The following PHEX variants were observed in gnomAD, a reference collection of about 807,000 sequenced individuals.
The protein encoded by PHEX is phosphate-regulating neutral endopeptidase PHEX.
A neutral mutation model predicts 68.0 loss-of-function variants in PHEX; 16 were observed. The observed-to-expected ratio is 0.24, with a 90% CI of 0.16 to 0.36. The LOEUF (loss-of-function observed/expected upper bound fraction) is 0.36. Ranked by LOEUF, PHEX falls within the 10% of genes least tolerant of loss-of-function variation. The pLI, the probability that PHEX is intolerant of heterozygous loss-of-function variation, is 1.00. For synonymous variants in PHEX, 208 were observed against 205.1 expected, an observed-to-expected ratio of 1.01 and a Z score of -0.12; for missense variants, 480 against 575.5, an observed-to-expected ratio of 0.83 and a Z score of 1.70.
intron 13 of PHEX, chrX:22,172,083 T>C (rs1400153507): frequency 8.9e-6 from 1 of 112,335 alleles, no homozygotes; most frequent in Non-Finnish European, 1.9e-5. Context: ...CAAGGTAAAC[T>C]GAGGTACTCA....
chrX:22,087,896 A>C (rs756399987), intron 5 of PHEX, among the ~76,000 whole-genome samples: 1 of 112,076 alleles, frequency 8.9e-6, no homozygotes. Flanking sequence ...AAGGTGCTGG[A>C]AATTTTTTTA....
At chrX:22,117,797 CTT>C (rs1301242316) in intron 11 of PHEX, among the ~76,000 whole-genome samples, 2 of 111,046 alleles carry the variant, frequency 1.8e-5, no homozygotes, top group African/African-American at 6.6e-5. Context: ...ATACTCATCT[CTT>C]TAACGTAAAA....
In PHEX at chrX:22,247,931, T is replaced by C; in HGVS notation, c.2228T>C (p.Met743Thr). ...CPPNSTMNRG[M>T]DSCRLW ...CCCAATTCCACGATGAACAGAGGCA[T>C]GGACTCCTGCCGACTCTGGTAGCTG... The change falls in exon 22 of 22, where the codon ATG becomes ACG. Residue 743 changes from methionine (M) to threonine (T), a missense_variant. By Grantham distance (81) the Met-to-Thr change is moderately conservative. Coordinates refer to ENST00000379374, the MANE Select transcript of PHEX (RefSeq NM_000444.6). The C allele has an allele frequency of 8.3e-7, 1 of 1,205,131 alleles. No homozygotes were observed. The highest frequency in any genetic ancestry group is 3.0e-5 in the East Asian group (1 of 33,825).
chrX:22,156,794 C>A (rs1288342169), intron 12 of PHEX, among the ~76,000 whole-genome samples: 2 of 111,153 alleles, frequency 1.8e-5, no homozygotes, highest in Non-Finnish European at 3.8e-5. Context: ...AGTTTAACCA[C>A]ATATAATCGA....
chrX:22,094,646 A>T (rs192476489), intron 7 of PHEX, among the ~76,000 whole-genome samples: 106 of 112,121 alleles, frequency 9.5e-4, no homozygotes, highest in African/African-American at 3.3e-3. Context: ...CCTTTCTGGT[A>T]TTACTTTGTA....
intron 2 of PHEX, among the ~76,000 whole-genome samples, chrX:22,041,257 CTCTCTCTCTATATA>C (rs1441511044): frequency 6.1e-5 from 4 of 65,580 alleles, no homozygotes; most frequent in African/African-American, 2.8e-4. Context: ...CTCTCTCTCT[CTCTCTCTCTATATA>C]TATATATATA....
chrX:22,137,010 A>G (rs1284588981), intron 12 of PHEX, among the ~76,000 whole-genome samples: 14 of 112,064 alleles, frequency 1.2e-4, no homozygotes, highest in Non-Finnish European at 1.3e-4. Context: ...ATAAGCAGCA[A>G]AGGACAGGGC....
In PHEX at chrX:22,210,756, A is replaced by G. The variant is rs759839242; in HGVS notation, c.1646-2148A>G. ...GCATTTTCCTTTATGTGAAACTGACAGAGAACTAGTAGCTGGATCCATCTC... is the reference window on the plus strand; with the variant it reads ...GCATTTTCCTTTATGTGAAACTGACGGAGAACTAGTAGCTGGATCCATCTC... On this transcript the variant is annotated intron_variant, in intron 15 of 21. Coordinates refer to ENST00000379374, the MANE Select transcript of PHEX (RefSeq NM_000444.6). Among the ~76,000 whole-genome samples the G allele has an allele frequency of 5.4e-5, 6 of 111,503 alleles. No individual in the cohort carries two copies. The East Asian group carries it at 8.4e-4, about 16-fold the overall frequency.
intron 12 of PHEX, among the ~76,000 whole-genome samples, chrX:22,151,708 G>A (rs1025204169): frequency 1.8e-5 from 2 of 111,859 alleles, no homozygotes; most frequent in African/African-American, 6.5e-5. Flanking sequence ...ATGTTCTGAC[G>A]TTTCCTGACA....
At chrX:22,097,655 A>T in intron 8 of PHEX, 1 of 471,556 alleles carries the variant, frequency 2.1e-6, no homozygotes, top group Non-Finnish European at 2.6e-6. Context: ...GACACAGGCA[A>T]GGAAGAAAAG....
chrX:22,099,295 T>G (rs1930312041), intron 9 of PHEX, 144 bp downstream of exon 9: 2 of 562,543 alleles, frequency 3.6e-6, no homozygotes, highest in Non-Finnish European at 5.9e-6. Context: ...TCCTTTGTGA[T>G]GAACTGGCCA....
intron 13 of PHEX, among the ~76,000 whole-genome samples, chrX:22,170,051 TAATAGA>T (rs1399640444): frequency 8.9e-6 from 1 of 112,333 alleles, no homozygotes; most frequent in African/African-American, 3.2e-5. Flanking sequence ...CATTGATCCT[TAATAGA>T]AATAGACTCA....
intron 2 of PHEX, among the ~76,000 whole-genome samples, chrX:22,044,715 AAAATAAATAAAT>A (rs1186994428): frequency 2.2e-5 from 2 of 91,455 alleles, no homozygotes; most frequent in East Asian, 3.4e-4. Context: ...TCTGTCTCAA[AAAATAAATAAAT>A]AAATAAATAA....
chrX:22,128,316 G>C, intron 11 of PHEX, among the ~76,000 whole-genome samples: 1 of 110,123 alleles, frequency 9.1e-6, no homozygotes, highest in Non-Finnish European at 1.9e-5. Flanking sequence ...AACCGCCTCA[G>C]CCTCCCAAAG....
At chrX:22,184,788 C>A (rs753613985) in intron 14 of PHEX, among the ~76,000 whole-genome samples, 5 of 112,068 alleles carry the variant, frequency 4.5e-5, no homozygotes, top group Non-Finnish European at 9.4e-5. Flanking sequence ...CCAAACACGT[C>A]TGAATTCTCT....
At chrX:22,139,493 C>T (rs188397268) in intron 12 of PHEX, among the ~76,000 whole-genome samples, 2,078 of 110,953 alleles carry the variant, frequency 0.019, 49 homozygotes, top group African/African-American at 0.063. Flanking sequence ...TTTATTTTTT[C>T]GAGTTAAAGT....
chrX:22,149,775 A>G (rs1160909201), intron 12 of PHEX, among the ~76,000 whole-genome samples: 4 of 112,890 alleles, frequency 3.5e-5, no homozygotes, highest in Non-Finnish European at 7.5e-5. Flanking sequence ...ATGAAGGTTA[A>G]GTTTTGGCAA....
chrX:22,115,065 C>T (rs1931174430), intron 11 of PHEX, among the ~76,000 whole-genome samples: 1 of 111,753 alleles, frequency 8.9e-6, no homozygotes, highest in Admixed American at 9.5e-5. Context: ...CAGTGGCTCA[C>T]ACCTGTAATC....
chrX:22,066,917 C>T (rs1045045376), intron 3 of PHEX, among the ~76,000 whole-genome samples: 1 of 111,076 alleles, frequency 9.0e-6, no homozygotes. Context: ...CTCTCTCTTC[C>T]TCTCTTGAGG....
Sources: allele counts gnomAD v4.1 joint callset (sites outside exome capture counted in the v4.1 genomes callset), GRCh38; gene constraint gnomAD v4.1.1; transcripts MANE v1.5; gene names NCBI Gene and HGNC (gene_info 2026-07-23, HGNC 2026-07-21).